GRID2: variants seen among roughly 807,000 people sequenced by gnomAD.
The protein encoded by GRID2 is glutamate ionotropic receptor delta type subunit 2, also known as glutamate receptor ionotropic, delta-2.
In GRID2, 33 loss-of-function variants were observed where a neutral mutation model predicts 114.8. The observed-to-expected ratio is 0.29, with a 90% CI of 0.22 to 0.38. The LOEUF (loss-of-function observed/expected upper bound fraction) is 0.38, where lower values mean the gene tolerates loss of function less well. Among genes scored for constraint, GRID2 ranks in the 10% least tolerant of loss-of-function variants. The pLI, the probability that GRID2 is intolerant of heterozygous loss-of-function variation, is 1.00. For missense variants in GRID2, 1,184 were observed against 1,257.7 expected (o/e 0.94, Z 0.89); for synonymous variants, 505 against 449.9 (o/e 1.12, Z -1.55).
At chr4:92,620,915 A>G (rs7682741) in intron 2 of GRID2, among the ~76,000 whole-genome samples, 39,365 of 149,970 alleles carry the variant, frequency 0.26, 5,161 homozygotes, top group South Asian at 0.32. Flanking sequence ...CATATTGTGC[A>G]CATGTACCCT....
chr4:93,126,866 G>T (rs1213199189), intron 4 of GRID2, among the ~76,000 whole-genome samples: 3 of 151,918 alleles, frequency 2.0e-5, no homozygotes, highest in African/African-American at 7.2e-5. Context: ...CAAAGTGCTG[G>T]GATTACAGGC....
At chr4:92,674,179 A>C (rs62310178) in intron 2 of GRID2, among the ~76,000 whole-genome samples, 9,265 of 152,190 alleles carry the variant, frequency 0.061, 336 homozygotes, top group East Asian at 0.16. Flanking sequence ...TCATCAAATT[A>C]AGTAAAAACA....
intron 6 of GRID2, among the ~76,000 whole-genome samples, chr4:93,220,943 T>G (rs182233519): frequency 2.0e-4 from 31 of 152,234 alleles, no homozygotes; most frequent in African/African-American, 7.5e-4. Flanking sequence ...AAGTTCCAAA[T>G]TGTTAGTGTT....
At chr4:92,340,911 G>C (rs1215833752) in intron 1 of GRID2, among the ~76,000 whole-genome samples, 1 of 152,080 alleles carries the variant, frequency 6.6e-6, no homozygotes, top group African/African-American at 2.4e-5. Flanking sequence ...GCAGACAACA[G>C]TATGGGTCAA....
At chr4:92,955,382 T>C (rs956808307) in intron 2 of GRID2, among the ~76,000 whole-genome samples, 6 of 152,236 alleles carry the variant, frequency 3.9e-5, no homozygotes, top group Non-Finnish European at 8.8e-5. Flanking sequence ...ATGAGCATTT[T>C]TTCATGTGTC....
chr4:93,767,920 C>T (rs112936755), intron 14 of GRID2, among the ~76,000 whole-genome samples: 130 of 152,256 alleles, frequency 8.5e-4, no homozygotes, highest in African/African-American at 3.1e-3. Flanking sequence ...ATAATATATT[C>T]TATGTTCTTA....
At chr4:92,946,094 T>A (rs1174140178) in intron 2 of GRID2, among the ~76,000 whole-genome samples, 3 of 152,122 alleles carry the variant, frequency 2.0e-5, no homozygotes, top group Non-Finnish European at 4.4e-5. Context: ...GGAGAAAATT[T>A]AAAAAATTAT....
intron 4 of GRID2, among the ~76,000 whole-genome samples, chr4:93,140,160 C>CT (rs10684978): frequency 0.048 from 6,198 of 128,136 alleles, 249 homozygotes; most frequent in South Asian, 0.087. Flanking sequence ...CTTTTCTTTT[C>CT]TTTTTTTTTT....
intron 4 of GRID2, among the ~76,000 whole-genome samples, chr4:93,172,486 G>A (rs1738929504): frequency 6.6e-6 from 1 of 151,884 alleles, no homozygotes; most frequent in Admixed American, 6.6e-5. Flanking sequence ...CAGCTACTTG[G>A]AAGGCTGAGG....
intron 10 of GRID2, among the ~76,000 whole-genome samples, chr4:93,441,489 C>CT (rs34789456): frequency 0.24 from 35,993 of 151,706 alleles, 5,361 homozygotes; most frequent in Non-Finnish European, 0.34. Flanking sequence ...TCCTCTTTCT[C>CT]TTTTTTTGCA....
intron 2 of GRID2, among the ~76,000 whole-genome samples, chr4:92,796,544 T>C (rs1739885288): frequency 6.6e-6 from 1 of 151,936 alleles, no homozygotes. Context: ...AGTTAGCCTA[T>C]TACTGGAGCT....
At chr4:92,837,992 TAATGTTTTAAAAA>T (rs1195637136) in intron 2 of GRID2, among the ~76,000 whole-genome samples, 2 of 152,080 alleles carry the variant, frequency 1.3e-5, no homozygotes, top group Non-Finnish European at 2.9e-5. Flanking sequence ...TCAATTAAAA[TAATGTTTTAAAAA>T]AATGAGATCA....
chr4:92,409,049 G>A (rs552448493), intron 1 of GRID2, among the ~76,000 whole-genome samples: 17 of 152,178 alleles, frequency 1.1e-4, no homozygotes, highest in African/African-American at 3.9e-4. Context: ...TCTTGTTCCA[G>A]TTCTCAAGGG....
chr4:92,861,089 T>A (rs1744501833), intron 2 of GRID2, among the ~76,000 whole-genome samples: 1 of 152,118 alleles, frequency 6.6e-6, no homozygotes, highest in African/African-American at 2.4e-5. Flanking sequence ...AAAGTCTAGA[T>A]TATTAAATTA....
At chr4:93,093,831 CAG>C (rs1730981557) in intron 3 of GRID2, among the ~76,000 whole-genome samples, 1 of 151,784 alleles carries the variant, frequency 6.6e-6, no homozygotes, top group Admixed American at 6.6e-5. Flanking sequence ...CAGCTAATGC[CAG>C]GGAAAAGGGG....
At chr4:92,537,919 A>T (rs1335259471) in intron 1 of GRID2, among the ~76,000 whole-genome samples, 1 of 151,998 alleles carries the variant, frequency 6.6e-6, no homozygotes, top group Non-Finnish European at 1.5e-5. Context: ...TGTATTAAGT[A>T]GATTGAAAAC....
At chr4:93,560,186 C>T (rs1022181338) in intron 13 of GRID2, among the ~76,000 whole-genome samples, 3 of 119,396 alleles carry the variant, frequency 2.5e-5, no homozygotes, top group Non-Finnish European at 3.2e-5. Flanking sequence ...ACGTAACAAA[C>T]CTGCATGTTC....
At chr4:93,530,159 T>A (rs1447338952) in intron 13 of GRID2, among the ~76,000 whole-genome samples, 1 of 152,140 alleles carries the variant, frequency 6.6e-6, no homozygotes, top group Non-Finnish European at 1.5e-5. Flanking sequence ...ATTACCATCC[T>A]CCTGGACTAC....
chr4:92,503,588 C>G (rs1011612797), intron 1 of GRID2, among the ~76,000 whole-genome samples: 1 of 152,050 alleles, frequency 6.6e-6, no homozygotes, highest in Non-Finnish European at 1.5e-5. Context: ...GCTTCTCAAT[C>G]CAATGCATCA....
Sources: allele counts gnomAD v4.1 joint callset (sites outside exome capture counted in the v4.1 genomes callset), GRCh38; gene constraint gnomAD v4.1.1; transcripts MANE v1.5; gene names NCBI Gene and HGNC (gene_info 2026-07-23, HGNC 2026-07-21).